Variants in SOX6 observed in about 807,000 individuals in gnomAD.
SOX6 encodes the protein SRY-box transcription factor 6.
In SOX6, 11 loss-of-function variants were observed where a neutral mutation model predicts 97.8. That is an observed-to-expected ratio of 0.11 (90% CI 0.07 to 0.19). SOX6 has a LOEUF of 0.19. Ranked by LOEUF, SOX6 falls within the 10% of genes least tolerant of loss-of-function variation. The probability of loss-of-function intolerance (pLI) is 1.00; values close to 1 mark genes in which losing one functional copy is unlikely to be tolerated. For synonymous variants in SOX6, 360 were observed against 371.4 expected, an observed-to-expected ratio of 0.97 and a Z score of 0.35; for missense variants, 810 against 1,039.5, an observed-to-expected ratio of 0.78 and a Z score of 3.04.
intron 4 of SOX6, among the ~76,000 whole-genome samples, chr11:16,521,689 G>A (rs1380848932): frequency 6.6e-6 from 1 of 152,144 alleles, no homozygotes; most frequent in Non-Finnish European, 1.5e-5. Context: ...CCGAGCTACA[G>A]GAGGAAACTC....
intron 1 of SOX6, among the ~76,000 whole-genome samples, chr11:16,403,114 C>T (rs1308248209): frequency 6.6e-6 from 1 of 151,502 alleles, no homozygotes; most frequent in Non-Finnish European, 1.5e-5. Context: ...TAACTGGCTG[C>T]CCTAATTAGC....
chr11:16,321,803 T>C (rs1855934770), intron 2 of SOX6, among the ~76,000 whole-genome samples: 1 of 152,122 alleles, frequency 6.6e-6, no homozygotes, highest in African/African-American at 2.4e-5. Context: ...ACGGCTTAAG[T>C]CGCGTGTTAT....
intron 4 of SOX6, among the ~76,000 whole-genome samples, chr11:16,230,745 C>A (rs912621215): frequency 1.3e-5 from 2 of 151,590 alleles, no homozygotes; most frequent in East Asian, 3.8e-4. Context: ...AGTATGGAAG[C>A]ACCTTAAAGA....
At chr11:16,500,649 T>C (rs2133142498) in intron 4 of SOX6, among the ~76,000 whole-genome samples, 1 of 152,330 alleles carries the variant, frequency 6.6e-6, no homozygotes, top group Non-Finnish European at 1.5e-5. Flanking sequence ...ATCACAAGCA[T>C]TCTTATATAC....
At chr11:15,998,263 C>A (rs55730626) in intron 13 of SOX6, among the ~76,000 whole-genome samples, 11,461 of 149,860 alleles carry the variant, frequency 0.076, 893 homozygotes, top group East Asian at 0.36. Flanking sequence ...TAAAAAATAC[C>A]AAAATCAATC....
At chr11:16,163,256 G>A (rs1291544857) in intron 6 of SOX6, among the ~76,000 whole-genome samples, 1 of 152,106 alleles carries the variant, frequency 6.6e-6, no homozygotes, top group Non-Finnish European at 1.5e-5. Flanking sequence ...CATGTATTGG[G>A]TAGTGATGTG....
chr11:16,575,680 T>C (rs1847980264), intron 4 of SOX6, among the ~76,000 whole-genome samples: 1 of 152,126 alleles, frequency 6.6e-6, no homozygotes. Context: ...AACTATATTG[T>C]TTAGAGATGC....
At chr11:16,705,252 T>C (rs1279988100) in intron 3 of SOX6, among the ~76,000 whole-genome samples, 1 of 150,478 alleles carries the variant, frequency 6.6e-6, no homozygotes, top group Non-Finnish European at 1.5e-5. Flanking sequence ...AGCAAGACTC[T>C]GTCTCAAAAA....
intron 4 of SOX6, among the ~76,000 whole-genome samples, chr11:16,550,477 AT>A: frequency 6.6e-6 from 1 of 152,096 alleles, no homozygotes; most frequent in Non-Finnish European, 1.5e-5. Context: ...AAAATAAAAA[AT>A]AATAATAAAA....
At chr11:16,131,208 AT>A (rs1849731852) in intron 6 of SOX6, among the ~76,000 whole-genome samples, 2 of 151,954 alleles carry the variant, frequency 1.3e-5, no homozygotes, top group Non-Finnish European at 2.9e-5. Flanking sequence ...AGAAAAAAAA[AT>A]AAAGGACTTG....
chr11:15,972,621 TAAC>T lies in SOX6; in HGVS notation c.*185_*187del. The T allele has an allele frequency of 1.6e-6, 1 of 634,070 alleles. No homozygotes were observed. The highest frequency in any genetic ancestry group is 2.7e-6 in the Non-Finnish European group (1 of 369,156). The allele number at this position is 634,070 out of a possible 1,614,324, so 39.3% of individuals were successfully genotyped here. On this transcript the variant is annotated 3_prime_UTR_variant, in exon 16 of 16. Transcript: ENST00000683767. ...AAAACAACAACAACAACAATAACAA[TAAC>T]AACAAAAAACTCAAGTTCATGAAAA...
rs190730399 is a variant in SOX6 at position 15,986,431 on chromosome 11, A to G, written c.1967-11T>C. ...ATTTCCAGCGAGATCCTAGAAATAA[A>G]AATAGCCTTAAGTACCCAAGTGGTC... On this transcript the variant is annotated splice_polypyrimidine_tract_variant and intron_variant, in intron 14 of 15. Coordinates refer to ENST00000683767, the MANE Select transcript of SOX6 (RefSeq NM_001367873.1). The G allele has an allele frequency of 3.4e-4, 541 of 1,613,882 alleles. 1 individual carries two copies. The highest frequency in any genetic ancestry group is 4.3e-4 in the Non-Finnish European group (511 of 1,179,866).
At chr11:16,129,307 T>C (rs188848020) in intron 6 of SOX6, among the ~76,000 whole-genome samples, 156 of 152,284 alleles carry the variant, frequency 1.0e-3, no homozygotes, top group Admixed American at 2.6e-3. Flanking sequence ...TCTGGCAAAA[T>C]TGATACAAAA....
At chr11:16,709,239 C>T (rs990711032) in intron 3 of SOX6, among the ~76,000 whole-genome samples, 2 of 152,140 alleles carry the variant, frequency 1.3e-5, no homozygotes, top group Admixed American at 1.3e-4. Flanking sequence ...GGCACCTGGC[C>T]AGGCATGCTG....
At chr11:16,401,455 T>C (rs1462790094) in intron 1 of SOX6, among the ~76,000 whole-genome samples, 1 of 151,584 alleles carries the variant, frequency 6.6e-6, no homozygotes, top group Non-Finnish European at 1.5e-5. Flanking sequence ...CCTCAATCAC[T>C]AAAATGACCA....
intron 6 of SOX6, among the ~76,000 whole-genome samples, chr11:16,123,794 C>G: frequency 6.6e-6 from 1 of 152,146 alleles, no homozygotes; most frequent in East Asian, 1.9e-4. Flanking sequence ...TAATTTTATA[C>G]TTTTATTTAG....
chr11:16,524,662 T>C (rs1466252622), intron 4 of SOX6, among the ~76,000 whole-genome samples: 2 of 151,816 alleles, frequency 1.3e-5, no homozygotes, highest in Non-Finnish European at 2.9e-5. Context: ...AAATAAAGGG[T>C]ATTCAATTAG....
intron 4 of SOX6, chr11:16,484,197 T>C (rs1860393431): frequency 1.2e-6 from 1 of 802,406 alleles, no homozygotes; most frequent in Non-Finnish European, 2.3e-6. Context: ...AAGTTGGAGA[T>C]GCCAATAGCT....
chr11:16,067,904 T>A (rs1253711968), intron 9 of SOX6, among the ~76,000 whole-genome samples: 1 of 152,188 alleles, frequency 6.6e-6, no homozygotes, highest in Non-Finnish European at 1.5e-5. Context: ...AAAAAATTAC[T>A]ATTCTATAGA....
Sources: gnomAD v4.1 joint callset for allele counts (sites outside exome capture counted in the v4.1 genomes callset) on GRCh38, gnomAD v4.1.1 for gene constraint, MANE v1.5 for transcripts, NCBI Gene and HGNC (gene_info 2026-07-23, HGNC 2026-07-21) for gene names.